The following ZNF846 variants were observed in gnomAD, a reference collection of about 807,000 sequenced individuals.
ZNF846 encodes the protein zinc finger protein 846.
A neutral mutation model predicts 16.0 loss-of-function variants in ZNF846; 15 were observed. The ratio of observed to expected loss-of-function variants is 0.94; its 90% CI spans 0.63 to 1.45. ZNF846 has a LOEUF of 1.45. ZNF846 is among the 40% of genes most tolerant of loss of function. The pLI is 0.00. For missense variants in ZNF846, 714 were observed against 622.3 expected (o/e 1.15, Z -1.57); for synonymous variants, 229 against 212.0 (o/e 1.08, Z -0.70).
At chr19:9,765,752 C>T (rs991667455) in intron 1 of ZNF846, among the ~76,000 whole-genome samples, 4 of 151,962 alleles carry the variant, frequency 2.6e-5, no homozygotes, top group Non-Finnish European at 5.9e-5. Context: ...GCATGCCTCC[C>T]AATTGTAATA....
intron 1 of ZNF846, among the ~76,000 whole-genome samples, chr19:9,777,065 T>C (rs1048653006): frequency 6.6e-6 from 1 of 151,608 alleles, no homozygotes; most frequent in Non-Finnish European, 1.5e-5. Flanking sequence ...CTAAAAAATC[T>C]GCTTGTTTGG....
At position 9,757,776 on chromosome 19, in the gene ZNF846, G is replaced by A. The variant is rs552794847; in HGVS notation, c.1301C>T (p.Ser434Phe). 1.6e-4 allele frequency: 254 copies of A among 1,613,714 alleles called. 1 individual carries two copies. In the East Asian group the frequency reaches 5.6e-3, roughly 36 times the overall value. The stretch of plus-strand genomic sequence containing the variant: ...TCTTAAATGGGTACTAAGGCCCGAG[G>A]ATTGAGTGAAAGCTTTCCCACATTC... Residue 434 changes from serine to phenylalanine, a missense_variant, in exon 6 of 6, where the codon TCC becomes TTC. Transcript: ENST00000397902.
At chr19:9,763,564 C>T in intron 2 of ZNF846, 156 bp from the exon 3 acceptor site, 1 of 548,784 alleles carries the variant, frequency 1.8e-6, no homozygotes, top group Non-Finnish European at 3.1e-6. Context: ...CAATGGCATC[C>T]AATCCCATGG....
chr19:9,765,645 C>G (rs1472141713), intron 1 of ZNF846, among the ~76,000 whole-genome samples: 1 of 152,178 alleles, frequency 6.6e-6, no homozygotes, highest in African/African-American at 2.4e-5. Context: ...TGCACTCCAG[C>G]CTGGGTGACA....
intron 1 of ZNF846, among the ~76,000 whole-genome samples, chr19:9,782,666 A>G (rs2045513607): frequency 6.6e-6 from 1 of 152,216 alleles, no homozygotes; most frequent in Non-Finnish European, 1.5e-5. Context: ...AGCCAACTAA[A>G]TTTAGATTGT....
intron 2 of ZNF846, chr19:9,764,691 TC>T (rs1185106460): frequency 1.9e-6 from 1 of 530,072 alleles, no homozygotes. Flanking sequence ...AACCTGCCAA[TC>T]TGCCTGGGAA....
intron 1 of ZNF846, among the ~76,000 whole-genome samples, chr19:9,783,062 T>C (rs1215757332): frequency 1.3e-5 from 2 of 151,430 alleles, no homozygotes; most frequent in African/African-American, 4.9e-5. Flanking sequence ...GCAGGGACCA[T>C]AGATGTATGC....
intron 1 of ZNF846, among the ~76,000 whole-genome samples, chr19:9,776,558 C>G (rs551634735): frequency 7.2e-5 from 11 of 152,242 alleles, no homozygotes; most frequent in Non-Finnish European, 1.5e-5. Context: ...AGATGACTCA[C>G]ACTCTTTACC....
At chr19:9,780,975 T>C (rs1381103750) in intron 1 of ZNF846, among the ~76,000 whole-genome samples, 2 of 152,192 alleles carry the variant, frequency 1.3e-5, no homozygotes, top group African/African-American at 2.4e-5. Flanking sequence ...CCTTAGTACA[T>C]TTCTCAAGTT....
intron 1 of ZNF846, among the ~76,000 whole-genome samples, chr19:9,780,048 G>GTTTTTTTTTTTT (rs558280116): frequency 4.0e-5 from 5 of 124,310 alleles, no homozygotes; most frequent in African/African-American, 1.0e-4. Flanking sequence ...AGCTAATTTT[G>GTTTTTTTTTTTT]TTTTTTTTTT....
At chr19:9,784,345 A>G (rs1282317065) in intron 1 of ZNF846, among the ~76,000 whole-genome samples, 1 of 152,202 alleles carries the variant, frequency 6.6e-6, no homozygotes, top group Admixed American at 6.5e-5. Context: ...CTATGTCACA[A>G]ATAAGTTTAA....
downstream of ZNF846, among the ~76,000 whole-genome samples, chr19:9,754,623 A>C (rs575865563): frequency 1.3e-5 from 2 of 149,232 alleles, no homozygotes; most frequent in Non-Finnish European, 3.0e-5. Context: ...GTGTATTTTA[A>C]TCCATTTTGC....
chr19:9,779,685 C>T (rs1417907322), intron 1 of ZNF846, among the ~76,000 whole-genome samples: 1 of 151,970 alleles, frequency 6.6e-6, no homozygotes, highest in Non-Finnish European at 1.5e-5. Flanking sequence ...ATTCTCCTGC[C>T]TCAGCCTCCC....
chr19:9,765,036 C>G lies in ZNF846; in HGVS notation c.-85-1G>C, dbSNP rs538293346. 6.9e-5 allele frequency: 103 copies of G among 1,489,928 alleles called. No homozygotes were observed. Among genetic ancestry groups the G allele is most frequent in the Non-Finnish European group, 9.2e-5 (98 of 1,067,810 alleles). 92.3% of individuals were successfully genotyped at this position (1,489,928 alleles called of 1,614,324 possible). A position where few individuals can be genotyped will look rare whatever the true frequency, so the allele number is the denominator to read the frequency against. ...CAGAAAGTGTCCTGGAAAAAATGAC[C>G]TTTGGAAAAGAATAATGGCATGTCA... On this transcript the variant is annotated splice_acceptor_variant, in intron 1 of 5. Transcript: ENST00000397902. LOFTEE classifies it low-confidence loss of function (5UTR_SPLICE).
At chr19:9,771,170 A>C (rs1455073074), upstream of ZNF846, among the ~76,000 whole-genome samples, 1 of 150,838 alleles carries the variant, frequency 6.6e-6, no homozygotes, top group African/African-American at 2.4e-5. Context: ...CTTTCTTTCT[A>C]TCCTTTTTTG....
downstream of ZNF846, among the ~76,000 whole-genome samples, chr19:9,750,668 C>T (rs949675830): frequency 2.0e-5 from 3 of 152,154 alleles, no homozygotes; most frequent in Admixed American, 6.5e-5. Context: ...AAGAGTCATC[C>T]CATTAATCCC....
chr19:9,778,439 A>T (rs796500416), intron 1 of ZNF846, among the ~76,000 whole-genome samples: 1 of 152,124 alleles, frequency 6.6e-6, no homozygotes, highest in African/African-American at 2.4e-5. Context: ...AATCATCCCC[A>T]TTGGAAATCA....
chr19:9,757,439 G>T, downstream of ZNF846: 1 of 1,481,546 alleles, frequency 6.7e-7, no homozygotes, highest in Non-Finnish European at 9.0e-7. Context: ...TTTTCCAGAT[G>T]AGTTTAGATG....
chr19:9,761,880 G>A lies in ZNF846; in HGVS notation c.229+202C>T, dbSNP rs1599387667. Among the ~76,000 whole-genome samples the A allele has an allele frequency of 2.0e-5, 3 of 152,034 alleles. No individual in the cohort carries two copies. The South Asian group carries it at 6.2e-4, about 31-fold the overall frequency. ...TCAAATAAGGCAGACAAACCTTTCT[G>A]AGAACAGAAAAGAGGTTGAGAAGAT... On this transcript the variant is annotated intron_variant, in intron 4 of 5. Coordinates refer to ENST00000397902, the Ensembl canonical transcript of ZNF846.
Sources: allele counts gnomAD v4.1 joint callset (sites outside exome capture counted in the v4.1 genomes callset), GRCh38; gene constraint gnomAD v4.1.1; transcripts MANE v1.5; gene names NCBI Gene and HGNC (gene_info 2026-07-23, HGNC 2026-07-21).